The following SMOX variants were observed in gnomAD, a reference collection of about 807,000 sequenced individuals.
SMOX encodes the protein spermine oxidase.
SMOX carries 22 observed loss-of-function variants against 51.0 expected under a neutral mutation model. The observed-to-expected ratio is 0.43, with a 90% CI of 0.31 to 0.62. The LOEUF is 0.62. SMOX is among the 20% of genes least tolerant of loss of function. The pLI is 0.10. For synonymous variants in SMOX, 282 were observed against 307.8 expected, an observed-to-expected ratio of 0.92 and a Z score of 0.88; for missense variants, 566 against 777.7, an observed-to-expected ratio of 0.73 and a Z score of 3.24.
At chr20:4,173,434 T>C (rs1465242844) in intron 1 of SMOX, among the ~76,000 whole-genome samples, 3 of 152,218 alleles carry the variant, frequency 2.0e-5, no homozygotes, top group Admixed American at 2.0e-4. Context: ...GTCCGTGGTA[T>C]GGATATGCTA....
At position 4,187,045 on chromosome 20, in the gene SMOX, C is replaced by T. The variant is rs908543115; in HGVS notation, c.1531-225C>T. Reference sequence around the variant, plus strand: ...ACAAAGAGCCTTTGAGACCACAGAGCCGGGACTCCTAATGGCCTCAAGACA... The same window carrying T: ...ACAAAGAGCCTTTGAGACCACAGAGTCGGGACTCCTAATGGCCTCAAGACA... On this transcript the variant is annotated intron_variant, in intron 6 of 6. Coordinates refer to ENST00000305958, the MANE Select transcript of SMOX (RefSeq NM_175839.3). The surrounding 1 kb of genome is among the most constrained non-coding windows in gnomAD (Gnocchi z 4.8). Among the ~76,000 whole-genome samples the T allele has an allele frequency of 1.3e-5, 2 of 152,170 alleles. No individual in the cohort carries two copies. The highest frequency in any genetic ancestry group is 3.9e-4 in the East Asian group (2 of 5,194).
At chr20:4,154,042 GT>G (rs753336024) in intron 1 of SMOX, among the ~76,000 whole-genome samples, 3 of 152,186 alleles carry the variant, frequency 2.0e-5, no homozygotes, top group Non-Finnish European at 4.4e-5. Flanking sequence ...CCCAGAGGAG[GT>G]GGTGCTTTGG....
chr20:4,173,887 CT>C (rs1978615808), intron 1 of SMOX, among the ~76,000 whole-genome samples: 1 of 152,282 alleles, frequency 6.6e-6, no homozygotes, highest in Admixed American at 6.5e-5. Flanking sequence ...GAAAAGCAGC[CT>C]CTCCTAGCCC....
chr20:4,183,423 C>T lies in SMOX; in HGVS notation c.1370-71C>T, dbSNP rs1026459204. The T allele has an allele frequency of 1.7e-5, 28 of 1,611,404 alleles. No individual in the cohort carries two copies. The Admixed American group carries it at 4.2e-4, about 24-fold the overall frequency. ...CTGGAGGTGGGGTGGGGGGTTGTCCCTTTGGGGTCATCTTCCATATGCAGC... is the reference window on the plus strand; with the variant it reads ...CTGGAGGTGGGGTGGGGGGTTGTCCTTTTGGGGTCATCTTCCATATGCAGC... On this transcript the variant is annotated intron_variant, in intron 5 of 6. Transcript: ENST00000305958. This position sits in a 1 kb window ranked among gnomAD's most constrained non-coding sequence, Gnocchi z 4.3.
chr20:4,175,894 G>A (rs571930728), intron 2 of SMOX, among the ~76,000 whole-genome samples: 2 of 147,656 alleles, frequency 1.4e-5, no homozygotes, highest in South Asian at 2.2e-4. Context: ...CCCAACTGGC[G>A]GGGGAGGGGG....
intron 6 of SMOX, among the ~76,000 whole-genome samples, chr20:4,185,287 T>C (rs1034399899): frequency 6.6e-6 from 1 of 151,824 alleles, no homozygotes; most frequent in African/African-American, 2.4e-5. Context: ...GCTGACACAG[T>C]ATACAACACC....
rs1978480063 is a variant in SMOX, at chr20:4,172,513, GC to G, written c.-26-2516del. On this transcript the variant is annotated intron_variant, in intron 1 of 6. Transcript: ENST00000305958. The surrounding 1 kb of genome is among the most constrained non-coding windows in gnomAD (Gnocchi z 7.7). ...CCTCTCGGGAGGGAGGCAGGACCTA[GC>G]ATCTCTGGGGCGAGGGAGGAGAGGG... Among the ~76,000 whole-genome samples, 3 of 152,264 alleles carry G rather than the reference GC, an allele frequency of 2.0e-5. No homozygotes were observed. In the South Asian group the frequency reaches 6.2e-4, roughly 32 times the overall value.
chr20:4,158,197 T>C (rs1346126735), intron 1 of SMOX, among the ~76,000 whole-genome samples: 1 of 152,092 alleles, frequency 6.6e-6, no homozygotes, highest in African/African-American at 2.4e-5. Flanking sequence ...ACAGCGCCGG[T>C]CGGGGTGTGG....
intron 1 of SMOX, among the ~76,000 whole-genome samples, chr20:4,173,747 A>G (rs1310809014): frequency 6.6e-6 from 1 of 152,234 alleles, no homozygotes; most frequent in Admixed American, 6.5e-5. Context: ...TTTGCCACTT[A>G]AACCCCAGCA....
chr20:4,175,279 T>TCCAGC lies in SMOX; in HGVS notation c.208+23_208+27dup. The TCCAGC allele has an allele frequency of 6.2e-7, 1 of 1,610,868 alleles. No homozygotes were observed. The highest frequency in any genetic ancestry group is 8.5e-7 in the Non-Finnish European group (1 of 1,177,476). ...GTGAAACTTGGTAAGTGCCACCCAG[T>TCCAGC]CCAGCCCAGCCACCTCCCCAGGTCA... On this transcript the variant is annotated intron_variant, in intron 2 of 6. Transcript: ENST00000305958.
chr20:4,160,348 A>G (rs940680135), intron 1 of SMOX, among the ~76,000 whole-genome samples: 5 of 151,780 alleles, frequency 3.3e-5, no homozygotes, highest in Non-Finnish European at 5.9e-5. Flanking sequence ...AAGATGGGAG[A>G]ATCGTTGAGC....
intron 1 of SMOX, among the ~76,000 whole-genome samples, chr20:4,158,063 G>A (rs903154799): frequency 5.3e-5 from 8 of 149,822 alleles, no homozygotes; most frequent in African/African-American, 1.5e-4. Flanking sequence ...ACCACGCCCG[G>A]CTAATTTTTT....
chr20:4,158,005 A>G (rs1423635724), intron 1 of SMOX, among the ~76,000 whole-genome samples: 1 of 151,562 alleles, frequency 6.6e-6, no homozygotes, highest in Non-Finnish European at 1.5e-5. Context: ...GGTTCACGCC[A>G]TTCTCCTGCC....
rs1325682957 is a variant in SMOX at position 4,183,322 on chromosome 20, C to T, written c.1370-172C>T. 4 of 907,824 alleles carry T rather than the reference C, an allele frequency of 4.4e-6. No homozygotes were observed. Among genetic ancestry groups the T allele is most frequent in the Non-Finnish European group, 6.8e-6 (4 of 586,154 alleles). The allele number at this position is 907,824 out of a possible 1,614,324, so 56.2% of individuals were successfully genotyped here. ...TCACAGGAGGCGCTGAGTGGGTACA[C>T]AGCTCGAGCCCCAGCCTCCCTCCTT... is the stretch of plus-strand genomic sequence containing the variant. On this transcript the variant is annotated intron_variant, in intron 5 of 6. Coordinates refer to ENST00000305958, the MANE Select transcript of SMOX (RefSeq NM_175839.3). The surrounding 1 kb of genome is among the most constrained non-coding windows in gnomAD (Gnocchi z 4.3).
chr20:4,177,644 C>A lies in SMOX; in HGVS notation c.435+67C>A. On this transcript the variant is annotated intron_variant, in intron 3 of 6. Coordinates refer to ENST00000305958, the MANE Select transcript of SMOX (RefSeq NM_175839.3). This position sits in a 1 kb window ranked among gnomAD's most constrained non-coding sequence, Gnocchi z 4.3. ...GACCTGGGAGGTCTGTGATTCTGGT[C>A]GTGTCTCTGCACACTCCCTGGGCCT... 2 of 1,432,612 alleles carry A rather than the reference C, an allele frequency of 1.4e-6. No homozygotes were observed. Among genetic ancestry groups the A allele is most frequent in the Non-Finnish European group, 1.9e-6 (2 of 1,048,568 alleles). 88.7% of individuals were successfully genotyped at this position (1,432,612 alleles called of 1,614,324 possible). A position where few individuals can be genotyped will look rare whatever the true frequency, so the allele number is the denominator to read the frequency against.
chr20:4,164,013 C>T (rs1600804937), intron 1 of SMOX, among the ~76,000 whole-genome samples: 2 of 152,160 alleles, frequency 1.3e-5, no homozygotes, highest in Non-Finnish European at 2.9e-5. Context: ...GGCTGGTGGC[C>T]ACATAAATTG....
intron 1 of SMOX, among the ~76,000 whole-genome samples, chr20:4,169,245 C>T (rs978536736): frequency 3.3e-5 from 5 of 152,122 alleles, no homozygotes; most frequent in African/African-American, 1.2e-4. Flanking sequence ...TCAAGTGATC[C>T]TCCCACCTTG....
In SMOX at chr20:4,170,781, C is replaced by T. The variant is rs1256182290; in HGVS notation, c.-26-4249C>T. Reference sequence around the variant, plus strand: ...TGCCTTCCTGTGTCCAATGTGGCCTCTTGGGACACTTCAGTCAGGGTGGTG... The same window carrying T: ...TGCCTTCCTGTGTCCAATGTGGCCTTTTGGGACACTTCAGTCAGGGTGGTG... On this transcript the variant is annotated intron_variant, in intron 1 of 6. Transcript: ENST00000305958. The surrounding 1 kb of genome is among the most constrained non-coding windows in gnomAD (Gnocchi z 4.6). 6.6e-6 allele frequency among the ~76,000 whole-genome samples: 1 copy of T among 152,162 alleles called. No homozygotes were observed. Among genetic ancestry groups the T allele is most frequent in the African/African-American group, 2.4e-5 (1 of 41,428 alleles).
intron 2 of SMOX, among the ~76,000 whole-genome samples, chr20:4,176,698 AT>A (rs1978880840): frequency 6.6e-6 from 1 of 152,116 alleles, no homozygotes; most frequent in Non-Finnish European, 1.5e-5. Context: ...TTGGCTGGGG[AT>A]GGGGTAGTAG....
Sources: gnomAD v4.1 joint callset for allele counts (sites outside exome capture counted in the v4.1 genomes callset) on GRCh38, gnomAD v4.1.1 for gene constraint, Gnocchi (gnomAD v3.1) non-coding constraint, MANE v1.5 for transcripts, NCBI Gene and HGNC (gene_info 2026-07-23, HGNC 2026-07-21) for gene names.